The following DGKH variants were observed in gnomAD, a reference collection of about 807,000 sequenced individuals.
DGKH encodes the protein DAG kinase eta.
In DGKH, 90 loss-of-function variants were observed where a neutral mutation model predicts 159.3. The observed-to-expected ratio is 0.57, with a 90% CI of 0.48 to 0.67. DGKH has a LOEUF of 0.67. Ranked by LOEUF, DGKH falls within the 30% of genes least tolerant of loss-of-function variation. The pLI is 0.00. For synonymous variants in DGKH, 536 were observed against 553.8 expected (o/e 0.97, Z 0.45); for missense variants, 1,181 against 1,506.1 (o/e 0.78, Z 3.57).
At chr13:42,114,458 G>A (rs115566273) in intron 1 of DGKH, among the ~76,000 whole-genome samples, 35,545 of 151,952 alleles carry the variant, frequency 0.23, 4,702 homozygotes, top group African/African-American at 0.35. Context: ...AGGAACTCTG[G>A]TAAGCGCCAG....
At chr13:42,181,723 C>T (rs1956768951) in intron 13 of DGKH, 2 of 751,014 alleles carry the variant, frequency 2.7e-6, no homozygotes, top group Admixed American at 4.8e-5. Context: ...GCAGGGCCCA[C>T]AGCCACGCCA....
chr13:42,066,549 A>G (rs1882589542), intron 1 of DGKH: 1 of 152,164 alleles, frequency 6.6e-6, no homozygotes, highest in South Asian at 2.1e-4. Context: ...AGTATTTGCT[A>G]ATTTACCTAC....
Position 42,155,303 on chromosome 13 carries a change from T to C in DGKH, c.397T>C (p.Phe133Leu). 1 of 1,601,798 alleles carries C rather than the reference T, an allele frequency of 6.2e-7. No homozygotes were observed. Among genetic ancestry groups the C allele is most frequent in the Non-Finnish European group, 8.5e-7 (1 of 1,177,046 alleles). The change falls in exon 4 of 30, where the codon TTC becomes CTC. Residue 133 changes from phenylalanine to leucine, a missense_variant. Physicochemically the swap from Phe to Leu is conservative, Grantham distance 22 (BLOSUM62 0). Around this residue, in one of 5 missense-constraint regions of DGKH, gnomAD observed 369 missense variants for 519.4 expected, o/e 0.71. Transcript: ENST00000337343. Reference protein sequence around the residue: ...ANNSFTIITPFRRLMLCAENR... With the variant: ...ANNSFTIITPLRRLMLCAENR... ...TTATCCCTTTCAGATCATCACTCCA[T>C]TCAGAAGGCTAATGCTGTGTGCTGA...
chr13:42,246,743 G>A (rs1026011462), downstream of DGKH, among the ~76,000 whole-genome samples: 9 of 152,104 alleles, frequency 5.9e-5, no homozygotes, highest in East Asian at 3.8e-4. Flanking sequence ...GGCCTCCCGC[G>A]CACCCTAATC....
chr13:42,210,811 A>C (rs1957638665), intron 24 of DGKH, 46 bp downstream of exon 24: 1 of 1,566,160 alleles, frequency 6.4e-7, no homozygotes, highest in Non-Finnish European at 8.6e-7. Context: ...CTGTGGTCTC[A>C]GCCAATTTTT....
chr13:42,137,677 T>A lies in DGKH; in HGVS notation c.384+8045T>A, dbSNP rs1021230063. 2.0e-5 allele frequency among the ~76,000 whole-genome samples: 3 copies of A among 152,206 alleles called. No homozygotes were observed. In the East Asian group the frequency reaches 5.8e-4, roughly 29 times the overall value. On this transcript the variant is annotated intron_variant, in intron 3 of 29. Transcript: ENST00000337343. ...CATCACCAGATGAATAGCAAGCACT[T>A]GCTGGTCAGACTACAAATTTAGAAT... is the stretch of plus-strand genomic sequence containing the variant.
chr13:42,163,803 T>G lies in DGKH; in HGVS notation c.856-1528T>G, dbSNP rs935031004. On this transcript the variant is annotated intron_variant, in intron 7 of 29. Transcript: ENST00000337343. ...GTAGGTTGCGAAAATTTTCTCCCATTTTGTAGGTTGCCTGTTCACTCTGAT... is the reference window on the plus strand; with the variant it reads ...GTAGGTTGCGAAAATTTTCTCCCATGTTGTAGGTTGCCTGTTCACTCTGAT... Among the ~76,000 whole-genome samples, 762 of 151,836 alleles carry G rather than the reference T, an allele frequency of 5.0e-3. 5 individuals are homozygous for G. Among genetic ancestry groups the G allele is most frequent in the African/African-American group, 0.018 (727 of 41,448 alleles).
intron 16 of DGKH, among the ~76,000 whole-genome samples, chr13:42,192,194 G>A (rs570197999): frequency 8.5e-4 from 130 of 152,186 alleles, no homozygotes; most frequent in Non-Finnish European, 1.3e-3. Flanking sequence ...TAAAAACTTT[G>A]AAATCAGACC....
chr13:42,052,668 G>A (rs1358984720), intron 1 of DGKH, among the ~76,000 whole-genome samples: 1 of 152,224 alleles, frequency 6.6e-6, no homozygotes, highest in Admixed American at 6.5e-5. Flanking sequence ...CAGACAAATT[G>A]GGTTTTGAGG....
chr13:42,201,049 G>C (rs1957336298), intron 20 of DGKH, among the ~76,000 whole-genome samples: 1 of 152,006 alleles, frequency 6.6e-6, no homozygotes, highest in South Asian at 2.1e-4. Flanking sequence ...CTGCAGTGTA[G>C]TGGTGCGATC....
chr13:42,049,933 G>T (rs1299078002), intron 1 of DGKH, among the ~76,000 whole-genome samples: 1 of 152,196 alleles, frequency 6.6e-6, no homozygotes, highest in Non-Finnish European at 1.5e-5. Flanking sequence ...ATTTAACGAG[G>T]ATATTGAAAA....
chr13:42,221,492 G>A, intron 29 of DGKH, 98 bp downstream of exon 29: 2 of 1,493,640 alleles, frequency 1.3e-6, no homozygotes, highest in South Asian at 2.6e-5. Context: ...CTTCGCTTAT[G>A]TCATGCAAAT....
intron 1 of DGKH, among the ~76,000 whole-genome samples, chr13:42,072,681 T>G (rs1429304472): frequency 6.6e-6 from 1 of 152,224 alleles, no homozygotes; most frequent in Admixed American, 6.5e-5. Context: ...GACAGGGTGA[T>G]GTATGTGGAG....
chr13:42,212,074 C>T (rs1957671246), intron 24 of DGKH, among the ~76,000 whole-genome samples: 1 of 152,178 alleles, frequency 6.6e-6, no homozygotes, highest in Non-Finnish European at 1.5e-5. Context: ...TCTTCCCACA[C>T]CTTCATCTGG....
intron 3 of DGKH, among the ~76,000 whole-genome samples, chr13:42,134,695 C>T (rs566367434): frequency 5.9e-5 from 9 of 152,076 alleles, no homozygotes; most frequent in Non-Finnish European, 1.0e-4. Flanking sequence ...CATGGTGAAA[C>T]CCTGTCTCTA....
Position 42,112,444 on chromosome 13 carries a change from GC to G in DGKH, c.193-15015del, listed in dbSNP as rs199813742. 7.0e-3 allele frequency among the ~76,000 whole-genome samples: 1,073 copies of G among 152,266 alleles called. 10 individuals carry two copies. The highest frequency in any genetic ancestry group is 0.025 in the African/African-American group (1,026 of 41,536). ...CTACAAGAGTGAGCCACGATGCCTG[GC>G]CCCACGTGGCTTTGGAACTCTGTTT... On this transcript the variant is annotated intron_variant, in intron 1 of 29. Transcript: ENST00000337343.
chr13:42,073,516 G>A (rs1044035450), intron 1 of DGKH, among the ~76,000 whole-genome samples: 3 of 152,118 alleles, frequency 2.0e-5, no homozygotes, highest in Non-Finnish European at 4.4e-5. Context: ...AATTATATGA[G>A]ATATCCAACA....
intron 3 of DGKH, among the ~76,000 whole-genome samples, chr13:42,130,615 C>G (rs1306178204): frequency 3.3e-5 from 5 of 152,278 alleles, no homozygotes; most frequent in Admixed American, 3.3e-4. Flanking sequence ...CCACTCCTGA[C>G]AGCAGTGTGC....
chr13:42,109,379 G>A (rs777752599), intron 1 of DGKH, among the ~76,000 whole-genome samples: 19 of 152,194 alleles, frequency 1.2e-4, no homozygotes, highest in African/African-American at 3.4e-4. Flanking sequence ...CTAGTCAGCC[G>A]TGGAGCCAAG....
Sources: allele counts gnomAD v4.1 joint callset (sites outside exome capture counted in the v4.1 genomes callset), GRCh38; gene constraint gnomAD v4.1.1; regional missense constraint gnomAD v4.1.1; transcripts MANE v1.5; gene names NCBI Gene and HGNC (gene_info 2026-07-23, HGNC 2026-07-21).